Variants in PKHD1 observed in about 807,000 individuals in gnomAD.
The protein encoded by PKHD1 is PKHD1 ciliary IPT domain containing fibrocystin/polyductin.
A neutral mutation model predicts 412.0 loss-of-function variants in PKHD1; 291 were observed. That is an observed-to-expected ratio of 0.71 (90% confidence interval 0.64 to 0.78). The LOEUF (loss-of-function observed/expected upper bound fraction) is 0.78, where lower values mean the gene tolerates loss of function less well. PKHD1 is among the 30% of genes least tolerant of loss of function. PKHD1 has a pLI of 0.00. For missense variants in PKHD1, 4,825 were observed against 4,950.7 expected, an observed-to-expected ratio of 0.97 and a Z score of 0.76; for synonymous variants, 1,777 against 1,821.5, an observed-to-expected ratio of 0.98 and a Z score of 0.62.
At chr6:52,054,017 G>T (rs186096927) in intron 20 of PKHD1, 21 bp downstream of exon 20, 2 of 1,613,020 alleles carry the variant, frequency 1.2e-6, no homozygotes, top group African/African-American at 1.3e-5. Flanking sequence ...TTCCCACCAC[G>T]CCTCCCCACC....
intron 45 of PKHD1, among the ~76,000 whole-genome samples, chr6:51,883,676 A>C (rs1777749353): frequency 6.6e-6 from 1 of 152,236 alleles, no homozygotes; most frequent in Non-Finnish European, 1.5e-5. Flanking sequence ...ATTTCAACAT[A>C]AGTTATGTAC....
At chr6:51,708,857 G>A in intron 60 of PKHD1, among the ~76,000 whole-genome samples, 1 of 152,108 alleles carries the variant, frequency 6.6e-6, no homozygotes, top group Non-Finnish European at 1.5e-5. Context: ...GCTAAGAATG[G>A]TTTTAAACTT....
intron 53 of PKHD1, among the ~76,000 whole-genome samples, chr6:51,777,940 C>A (rs900908248): frequency 6.6e-6 from 1 of 152,028 alleles, no homozygotes; most frequent in Admixed American, 6.6e-5. Flanking sequence ...CAGAATTTGG[C>A]TTCCTTTTTG....
chr6:51,737,311 A>G (rs1783978765), intron 60 of PKHD1, among the ~76,000 whole-genome samples: 2 of 152,240 alleles, frequency 1.3e-5, no homozygotes, highest in African/African-American at 4.8e-5. Context: ...TGTGGCATTT[A>G]AAACATACAC....
At chr6:51,663,385 T>C (rs1362811581) in intron 60 of PKHD1, among the ~76,000 whole-genome samples, 1 of 152,120 alleles carries the variant, frequency 6.6e-6, no homozygotes, top group Non-Finnish European at 1.5e-5. Flanking sequence ...TCTGTTATAA[T>C]TATAAATAAA....
intron 12 of PKHD1, 128 bp from the exon 13 acceptor site, chr6:52,065,178 GAGAGA>G: frequency 6.4e-6 from 1 of 157,150 alleles, no homozygotes; most frequent in Non-Finnish European, 1.2e-5. Context: ...TAGAGAGAGA[GAGAGA>G]GAGAGAGAGA....
At chr6:51,687,327 T>C (rs1399825574) in intron 60 of PKHD1, among the ~76,000 whole-genome samples, 2 of 152,242 alleles carry the variant, frequency 1.3e-5, no homozygotes, top group East Asian at 3.8e-4. Flanking sequence ...TTTTAATATG[T>C]TAAGTACTAA....
At chr6:51,740,050 A>G (rs1784380269) in intron 60 of PKHD1, 1 of 518,436 alleles carries the variant, frequency 1.9e-6, no homozygotes. Context: ...AGATCATCAG[A>G]TGCCTCCATA....
At chr6:51,827,445 C>T (rs1767498382) in intron 52 of PKHD1, among the ~76,000 whole-genome samples, 2 of 152,094 alleles carry the variant, frequency 1.3e-5, no homozygotes, top group Non-Finnish European at 2.9e-5. Context: ...AGGTTTACAG[C>T]TTGTCCAATG....
intron 52 of PKHD1, among the ~76,000 whole-genome samples, chr6:51,808,948 G>A (rs1764258622): frequency 6.6e-6 from 1 of 151,932 alleles, no homozygotes; most frequent in Non-Finnish European, 1.5e-5. Flanking sequence ...CATAATCACT[G>A]GAGACAACTT....
chr6:51,744,877 G>T (rs1334930978), intron 59 of PKHD1, among the ~76,000 whole-genome samples: 1 of 151,980 alleles, frequency 6.6e-6, no homozygotes, highest in East Asian at 1.9e-4. Context: ...TCAGGGGTTT[G>T]CAGTATTTTA....
intron 66 of PKHD1, among the ~76,000 whole-genome samples, chr6:51,624,827 G>T (rs773781218): frequency 6.6e-6 from 1 of 152,146 alleles, no homozygotes; most frequent in Non-Finnish European, 1.5e-5. Flanking sequence ...CTTACTTGAG[G>T]CCACAAAGTC....
At chr6:51,940,692 C>G (rs1788360450) in intron 36 of PKHD1, among the ~76,000 whole-genome samples, 1 of 151,678 alleles carries the variant, frequency 6.6e-6, no homozygotes, top group African/African-American at 2.4e-5. Context: ...CCTACAGGAC[C>G]ATCGCAGACG....
chr6:51,963,795 C>T (rs1562000877), intron 35 of PKHD1, among the ~76,000 whole-genome samples: 1 of 152,004 alleles, frequency 6.6e-6, no homozygotes, highest in East Asian at 1.9e-4. Context: ...CTGTTGATAC[C>T]AACATATTTT....
chr6:51,954,763 G>T (rs1025939850), intron 36 of PKHD1, among the ~76,000 whole-genome samples: 1 of 151,884 alleles, frequency 6.6e-6, no homozygotes, highest in Non-Finnish European at 1.5e-5. Flanking sequence ...TGTGATAGGA[G>T]TACCTACACC....
At chr6:51,671,889 G>C (rs1055195658) in intron 60 of PKHD1, among the ~76,000 whole-genome samples, 1 of 152,160 alleles carries the variant, frequency 6.6e-6, no homozygotes, top group African/African-American at 2.4e-5. Flanking sequence ...CCCACTTGAG[G>C]AGGTAGTCTG....
intron 53 of PKHD1, among the ~76,000 whole-genome samples, chr6:51,783,883 T>C (rs1792443713): frequency 6.6e-6 from 1 of 152,168 alleles, no homozygotes; most frequent in Non-Finnish European, 1.5e-5. Flanking sequence ...AAATATATTG[T>C]AGTCATTTAA....
intron 5 of PKHD1, among the ~76,000 whole-genome samples, chr6:52,077,117 T>G (rs745924429): frequency 1.1e-4 from 17 of 152,162 alleles, no homozygotes; most frequent in Admixed American, 2.6e-4. Flanking sequence ...TGTGTCTCTG[T>G]GCATAGACTG....
chr6:52,062,283 C>T (rs1808794097), intron 14 of PKHD1, among the ~76,000 whole-genome samples: 1 of 152,240 alleles, frequency 6.6e-6, no homozygotes, highest in South Asian at 2.1e-4. Flanking sequence ...ATAATCATCT[C>T]CAAAACAGAT....
Sources: gnomAD v4.1 joint callset for allele counts (sites outside exome capture counted in the v4.1 genomes callset) on GRCh38, gnomAD v4.1.1 for gene constraint, MANE v1.5 for transcripts, NCBI Gene and HGNC (gene_info 2026-07-23, HGNC 2026-07-21) for gene names.